EYS: variants seen among roughly 807,000 people sequenced by gnomAD.
The protein encoded by EYS is protein eyes shut homolog.
Under a neutral mutation model 282.1 loss-of-function variants are expected in EYS, and 250 were observed. The observed-to-expected ratio is 0.89, with a 90% CI of 0.80 to 0.98. The LOEUF (loss-of-function observed/expected upper bound fraction) is 0.98, where lower values mean the gene tolerates loss of function less well. Among genes scored for constraint, EYS ranks in the 50% least tolerant of loss-of-function variants. The probability of loss-of-function intolerance (pLI) is 0.00; values close to 1 mark genes in which losing one functional copy is unlikely to be tolerated. For synonymous variants in EYS, 1,355 were observed against 1,282.9 expected (o/e 1.06, Z -1.20); for missense variants, 4,016 against 3,709.0 (o/e 1.08, Z -2.15).
intron 14 of EYS, among the ~76,000 whole-genome samples, chr6:64,982,775 A>G (rs1770720755): frequency 6.6e-6 from 1 of 151,224 alleles, no homozygotes; most frequent in South Asian, 2.1e-4. Flanking sequence ...TTTTGTTTAT[A>G]ATTTAAACAA....
chr6:65,401,845 T>G (rs1233869713), intron 7 of EYS, among the ~76,000 whole-genome samples: 1 of 151,846 alleles, frequency 6.6e-6, no homozygotes. Flanking sequence ...CAGAATTTAC[T>G]TGAAGCAGTC....
chr6:64,129,207 C>A (rs1365302811), intron 31 of EYS, among the ~76,000 whole-genome samples: 3 of 152,186 alleles, frequency 2.0e-5, no homozygotes, highest in Admixed American at 6.5e-5. Context: ...ACACTAACTT[C>A]CACAGTGGTT....
intron 36 of EYS, among the ~76,000 whole-genome samples, chr6:63,818,754 C>G (rs1771245912): frequency 6.6e-6 from 1 of 152,186 alleles, no homozygotes; most frequent in Non-Finnish European, 1.5e-5. Flanking sequence ...CAGAATTATT[C>G]CAATTAGCCA....
At chr6:64,402,958 A>T (rs2150437401) in intron 28 of EYS, among the ~76,000 whole-genome samples, 1 of 152,228 alleles carries the variant, frequency 6.6e-6, no homozygotes, top group South Asian at 2.1e-4. Flanking sequence ...GATTGAGATT[A>T]ATTATCAGTG....
chr6:63,814,931 T>C (rs1771141871), intron 36 of EYS, among the ~76,000 whole-genome samples: 1 of 152,182 alleles, frequency 6.6e-6, no homozygotes, highest in South Asian at 2.1e-4. Flanking sequence ...TAAAATAAGA[T>C]TCCTAGCTAT....
chr6:65,005,970 C>T (rs1330211102), intron 13 of EYS, among the ~76,000 whole-genome samples: 1 of 152,180 alleles, frequency 6.6e-6, no homozygotes, highest in African/African-American at 2.4e-5. Context: ...ATCCCTGCCT[C>T]CTAGGTACTA....
rs2149624568 is a variant in EYS at position 63,721,203 on chromosome 6, C to T, written c.8828G>A (p.Trp2943Ter). ...TTTGTTTTCACAATACCTTCCCACC[C>T]AACCCAAAGTACACAGGCAACTGTA... ...FSYSCLCTLGWVGRYCENKTS... is the reference protein window; with the variant it reads ...FSYSCLCTLG The change falls in exon 43 of 43, where the codon TGG becomes TAG. Residue 2943 changes from tryptophan to a stop codon, truncating the protein, a stop_gained. Coordinates refer to ENST00000503581, the MANE Select transcript of EYS (RefSeq NM_001142800.2). LOFTEE classifies it high-confidence loss of function. 1 of 1,551,642 alleles carries T rather than the reference C, an allele frequency of 6.4e-7. No homozygotes were observed.
At chr6:65,215,604 A>G (rs181894246) in intron 12 of EYS, among the ~76,000 whole-genome samples, 6 of 152,348 alleles carry the variant, frequency 3.9e-5, no homozygotes, top group Admixed American at 2.0e-4. Context: ...GCAGGCTTAA[A>G]GGGAATTGCC....
chr6:65,519,706 ATATTT>A (rs1186692384), intron 2 of EYS, among the ~76,000 whole-genome samples: 44 of 36,564 alleles, frequency 1.2e-3, no homozygotes, highest in African/African-American at 6.1e-3. Context: ...ATATATATAT[ATATTT>A]TTTTTTTTTT....
chr6:65,414,104 A>C (rs1171724920), intron 5 of EYS, among the ~76,000 whole-genome samples: 1 of 152,192 alleles, frequency 6.6e-6, no homozygotes, highest in East Asian at 1.9e-4. Flanking sequence ...AAAAACAAGT[A>C]AATGAATAAA....
chr6:65,038,185 GT>G (rs1772827175), intron 13 of EYS, among the ~76,000 whole-genome samples: 2 of 151,404 alleles, frequency 1.3e-5, no homozygotes, highest in Non-Finnish European at 1.5e-5. Context: ...GATTAGATGG[GT>G]TTTAAAAATG....
At chr6:65,502,451 G>T (rs1242881168) in intron 2 of EYS, among the ~76,000 whole-genome samples, 1 of 151,644 alleles carries the variant, frequency 6.6e-6, no homozygotes, top group African/African-American at 2.4e-5. Context: ...AGTGCCGAAT[G>T]TTCTCATGTG....
At position 65,416,439 on chromosome 6, in the gene EYS, C is replaced by A. The variant is rs116201117; in HGVS notation, c.863-11072G>T. ...TCATACACACACATGTACAAACATA[C>A]AGACATAACCCAAATAATTTGAAGT... On this transcript the variant is annotated intron_variant, in intron 5 of 42. Transcript: ENST00000503581. Among the ~76,000 whole-genome samples, 984 of 152,000 alleles carry A rather than the reference C, an allele frequency of 6.5e-3. 16 individuals carry two copies. The highest frequency in any genetic ancestry group is 0.022 in the African/African-American group (917 of 41,504).
chr6:64,177,336 A>ATC (rs1764667850), intron 31 of EYS, among the ~76,000 whole-genome samples: 1 of 150,670 alleles, frequency 6.6e-6, no homozygotes. Context: ...CACACACTGT[A>ATC]TATATATATA....
chr6:64,372,130 G>GTTTTTTTT lies in EYS; in HGVS notation c.6078+16552_6078+16559dup, dbSNP rs201498090. On this transcript the variant is annotated intron_variant, in intron 29 of 42. Coordinates refer to ENST00000503581, the MANE Select transcript of EYS (RefSeq NM_001142800.2). ...TAGCATCACTGGTCTGTATACTTGT[G>GTTTTTTTT]TTTTTTTTTTTTTTTTTTTTTTTTT... Among the ~76,000 whole-genome samples the GTTTTTTTT allele has an allele frequency of 2.5e-3, 244 of 97,666 alleles. 20 individuals are homozygous for GTTTTTTTT. Among genetic ancestry groups the GTTTTTTTT allele is most frequent in the African/African-American group, 9.7e-3 (205 of 21,200 alleles). 64.1% of individuals were successfully genotyped at this position (97,666 alleles called of 152,430 possible).
chr6:64,892,101 T>A (rs1021468868), intron 18 of EYS, among the ~76,000 whole-genome samples: 1 of 151,834 alleles, frequency 6.6e-6, no homozygotes, highest in Admixed American at 6.6e-5. Flanking sequence ...AACTATAATT[T>A]GCATAAAATG....
chr6:63,784,533 G>A (rs937084014), intron 39 of EYS, among the ~76,000 whole-genome samples: 4 of 152,068 alleles, frequency 2.6e-5, no homozygotes, highest in African/African-American at 9.7e-5. Context: ...GAGGTCTCAG[G>A]AAACTTACAG....
At chr6:64,721,985 T>G (rs1416573238) in intron 22 of EYS, among the ~76,000 whole-genome samples, 1 of 152,172 alleles carries the variant, frequency 6.6e-6, no homozygotes, top group African/African-American at 2.4e-5. Flanking sequence ...TCCAGAGTAA[T>G]GTATGTTGCA....
intron 37 of EYS, among the ~76,000 whole-genome samples, chr6:63,791,954 C>T (rs1263241181): frequency 6.6e-6 from 1 of 151,878 alleles, no homozygotes; most frequent in Non-Finnish European, 1.5e-5. Flanking sequence ...AGGAAATTTG[C>T]TTGTGATTTG....
Sources: gnomAD v4.1 joint callset for allele counts (sites outside exome capture counted in the v4.1 genomes callset) on GRCh38, gnomAD v4.1.1 for gene constraint, MANE v1.5 for transcripts, NCBI Gene and HGNC (gene_info 2026-07-23, HGNC 2026-07-21) for gene names.